Variants in PPP1R9A observed in about 807,000 individuals in gnomAD.
PPP1R9A encodes neurabin-1.
In PPP1R9A, 59 loss-of-function variants were observed where a neutral mutation model predicts 141.9. The ratio of observed to expected loss-of-function variants is 0.42; its 90% confidence interval spans 0.34 to 0.52. PPP1R9A has a LOEUF of 0.52. Ranked by LOEUF, PPP1R9A falls within the 20% of genes least tolerant of loss-of-function variation. The pLI, the probability that PPP1R9A is intolerant of heterozygous loss-of-function variation, is 0.10. For missense variants in PPP1R9A, 1,444 were observed against 1,611.9 expected (o/e 0.90, Z 1.78); for synonymous variants, 500 against 569.7 (o/e 0.88, Z 1.74).
chr7:94,940,058 A>G (rs1795173859), intron 2 of PPP1R9A, among the ~76,000 whole-genome samples: 1 of 152,062 alleles, frequency 6.6e-6, no homozygotes, highest in Admixed American at 6.6e-5. Flanking sequence ...TGAATAGATG[A>G]AAGTTCTGAT....
intron 3 of PPP1R9A, among the ~76,000 whole-genome samples, chr7:95,117,927 C>T (rs1821806035): frequency 6.6e-6 from 1 of 152,130 alleles, no homozygotes; most frequent in African/African-American, 2.4e-5. Context: ...TCTTAAACAA[C>T]ACAAGAGCAA....
At chr7:94,965,257 C>T (rs186993656) in intron 2 of PPP1R9A, among the ~76,000 whole-genome samples, 115 of 152,058 alleles carry the variant, frequency 7.6e-4, no homozygotes, top group African/African-American at 2.6e-3. Context: ...AATTTTCTCC[C>T]ATTCTATAGG....
At position 95,291,570 on chromosome 7, in the gene PPP1R9A, A is replaced by C. The variant is rs562791451; in HGVS notation, c.*1267A>C. ...TTTCCATGTTTCACCAAACTAAGTC[A>C]AGTGCAGGAGACTGGGGCAGAAGAA... On this transcript the variant is annotated 3_prime_UTR_variant, in exon 20 of 20. Transcript: ENST00000433360. The C allele has an allele frequency of 4.7e-4, 71 of 152,328 alleles. No homozygotes were observed. Among genetic ancestry groups the C allele is most frequent in the African/African-American group, 1.6e-3 (68 of 41,562 alleles). The allele number at this position is 152,328 out of a possible 1,614,324, so 9.4% of individuals were successfully genotyped here. A position where few individuals can be genotyped will look rare whatever the true frequency, so the allele number is the denominator to read the frequency against.
chr7:95,026,549 C>T (rs1806868636), intron 2 of PPP1R9A, among the ~76,000 whole-genome samples: 1 of 152,198 alleles, frequency 6.6e-6, no homozygotes, highest in Admixed American at 6.5e-5. Context: ...TCAGGAGACA[C>T]AGGTGTCAGC....
intron 4 of PPP1R9A, among the ~76,000 whole-genome samples, chr7:95,137,195 AT>A (rs1392746280): frequency 6.6e-6 from 1 of 151,184 alleles, no homozygotes; most frequent in Non-Finnish European, 1.5e-5. Context: ...TTAACTCATC[AT>A]TTACATTAGG....
At chr7:95,226,137 A>G in intron 8 of PPP1R9A, 21 bp downstream of exon 8, 1 of 1,599,976 alleles carries the variant, frequency 6.3e-7, no homozygotes, top group Non-Finnish European at 8.6e-7. Context: ...AAGCTGCAAA[A>G]TATTTCTTTA....
intron 13 of PPP1R9A, 99 bp from the exon 14 acceptor site, chr7:95,269,108 G>A (rs1261324433): frequency 5.9e-6 from 7 of 1,188,350 alleles, no homozygotes; most frequent in South Asian, 1.5e-5. Context: ...GGTTTTCATG[G>A]GGATTCACTA....
intron 2 of PPP1R9A, among the ~76,000 whole-genome samples, chr7:95,082,773 T>C (rs865948421): frequency 0.32 from 44,636 of 140,640 alleles, 8,048 homozygotes; most frequent in Non-Finnish European, 0.42. Flanking sequence ...TTTCTTTTTT[T>C]TTTTTTTTTT....
intron 2 of PPP1R9A, among the ~76,000 whole-genome samples, chr7:94,982,964 A>C (rs974973082): frequency 2.0e-5 from 3 of 152,182 alleles, no homozygotes; most frequent in African/African-American, 7.2e-5. Flanking sequence ...CTAACATTTA[A>C]GTCTTTAATC....
rs145891576 is a variant in PPP1R9A, at chr7:95,257,272, A to G, written c.2665+5142A>G. On this transcript the variant is annotated intron_variant, in intron 12 of 19. Transcript: ENST00000433360. ...AAGTGGTCTAATATGCAGAATACAGAGTCCAGAAGCAGACTGACACATTTA... is the reference window on the plus strand; with the variant it reads ...AAGTGGTCTAATATGCAGAATACAGGGTCCAGAAGCAGACTGACACATTTA... Among the ~76,000 whole-genome samples, 942 of 152,268 alleles carry G rather than the reference A, an allele frequency of 6.2e-3. 12 individuals are homozygous for G. The highest frequency in any genetic ancestry group is 0.022 in the African/African-American group (910 of 41,566).
chr7:95,159,919 T>C (rs1830204758), intron 4 of PPP1R9A, among the ~76,000 whole-genome samples: 1 of 120,990 alleles, frequency 8.3e-6, no homozygotes, highest in Non-Finnish European at 1.8e-5. Context: ...GAGGGAGACA[T>C]TGTCTCAAAA....
chr7:95,273,324 C>T (rs566748113), intron 14 of PPP1R9A, among the ~76,000 whole-genome samples: 37 of 152,206 alleles, frequency 2.4e-4, no homozygotes, highest in African/African-American at 8.7e-4. Flanking sequence ...TTTAAGGAGT[C>T]TCCCCCATGT....
chr7:95,074,479 TG>T (rs72394057), intron 2 of PPP1R9A, among the ~76,000 whole-genome samples: 12,563 of 68,684 alleles, frequency 0.18, 756 homozygotes, highest in African/African-American at 0.33. Flanking sequence ...TTTTTTTTTT[TG>T]TTGTTTTTTT....
chr7:95,260,842 A>G (rs73223915), intron 12 of PPP1R9A, among the ~76,000 whole-genome samples: 21,850 of 152,154 alleles, frequency 0.14, 1,778 homozygotes, highest in Admixed American at 0.21. Context: ...ATGATCTTTT[A>G]TAAGTAAAGA....
chr7:95,075,585 C>T (rs1424318770), intron 2 of PPP1R9A, among the ~76,000 whole-genome samples: 2 of 152,082 alleles, frequency 1.3e-5, no homozygotes, highest in African/African-American at 4.8e-5. Flanking sequence ...AAAGTAATCC[C>T]AGCACTTTGG....
At chr7:95,025,335 A>C (rs1584333270) in intron 2 of PPP1R9A, among the ~76,000 whole-genome samples, 1 of 152,034 alleles carries the variant, frequency 6.6e-6, no homozygotes, top group Non-Finnish European at 1.5e-5. Context: ...AAAGTGCTGG[A>C]ATTACAGGCG....
At chr7:95,025,672 G>A (rs1339864396) in intron 2 of PPP1R9A, among the ~76,000 whole-genome samples, 3 of 151,638 alleles carry the variant, frequency 2.0e-5, no homozygotes, top group Non-Finnish European at 2.9e-5. Context: ...AGTGTTTTCC[G>A]ACTTGGTTCC....
intron 5 of PPP1R9A, among the ~76,000 whole-genome samples, chr7:95,174,257 C>G (rs1832579732): frequency 6.6e-6 from 1 of 152,024 alleles, no homozygotes. Flanking sequence ...GTAAAAGAAG[C>G]CAGATGCCAA....
intron 5 of PPP1R9A, among the ~76,000 whole-genome samples, chr7:95,167,541 T>TA (rs914810904): frequency 2.0e-5 from 3 of 152,172 alleles, no homozygotes; most frequent in African/African-American, 7.2e-5. Context: ...CTGGAAGTCC[T>TA]AGCCAGAGTA....
Sources: allele counts gnomAD v4.1 joint callset (sites outside exome capture counted in the v4.1 genomes callset), GRCh38; gene constraint gnomAD v4.1.1; transcripts MANE v1.5; gene names NCBI Gene and HGNC (gene_info 2026-07-23, HGNC 2026-07-21).